Variants in LNX1 observed in about 807,000 individuals in gnomAD.
LNX1 encodes ligand of numb-protein X 1.
Under a neutral mutation model 68.4 loss-of-function variants are expected in LNX1, and 54 were observed. That is an observed-to-expected ratio of 0.79 (90% CI 0.63 to 0.99). The LOEUF (loss-of-function observed/expected upper bound fraction) is 0.99, where lower values mean the gene tolerates loss of function less well. Ranked by LOEUF, LNX1 falls within the 50% of genes least tolerant of loss-of-function variation. LNX1 has a pLI of 0.00. For synonymous variants in LNX1, 336 were observed against 350.0 expected (o/e 0.96, Z 0.45); for missense variants, 906 against 926.4 (o/e 0.98, Z 0.29).
At chr4:53,612,978 T>C (rs1034498431) in intron 2 of LNX1, among the ~76,000 whole-genome samples, 1 of 151,756 alleles carries the variant, frequency 6.6e-6, no homozygotes, top group African/African-American at 2.4e-5. Flanking sequence ...CAGTGAAAAG[T>C]ATATGCTATG....
In LNX1 at chr4:53,459,327, G is replaced by A. The variant is rs1721294643; in HGVS notation, c.*1580C>T. Reference sequence around the variant, plus strand: ...TAATAGTAGACGTCGCCATGAAAGTGAAGAAGGAGATAGTCACAGGAGACA... The same window carrying A: ...TAATAGTAGACGTCGCCATGAAAGTAAAGAAGGAGATAGTCACAGGAGACA... On this transcript the variant is annotated 3_prime_UTR_variant, in exon 11 of 11. Coordinates refer to ENST00000263925, the MANE Select transcript of LNX1 (RefSeq NM_001126328.3). 6.4e-7 allele frequency: 1 copy of A among 1,556,380 alleles called. No individual in the cohort carries two copies. The highest frequency in any genetic ancestry group is 1.4e-5 in the African/African-American group (1 of 69,198).
chr4:53,493,063 G>A lies in LNX1; in HGVS notation c.1350+2960C>T, dbSNP rs184640375. On this transcript the variant is annotated intron_variant, in intron 6 of 10. Coordinates refer to ENST00000263925, the MANE Select transcript of LNX1 (RefSeq NM_001126328.3). Reference sequence around the variant, plus strand: ...TGGCTCACTGAAACCTCCGCCTCCCGAGTTCAAGCAGTTCTCCTACCTCAG... The same window carrying A: ...TGGCTCACTGAAACCTCCGCCTCCCAAGTTCAAGCAGTTCTCCTACCTCAG... Among the ~76,000 whole-genome samples, 25 of 152,160 alleles carry A rather than the reference G, an allele frequency of 1.6e-4. No homozygotes were observed. The East Asian group carries it at 4.5e-3, about 27-fold the overall frequency.
upstream of LNX1, among the ~76,000 whole-genome samples, chr4:53,592,546 G>T (rs186230206): frequency 2.7e-4 from 41 of 152,242 alleles, no homozygotes; most frequent in Admixed American, 2.5e-3. Context: ...AGGAAACTGT[G>T]GATTCCCCGT....
chr4:53,558,019 C>T (rs375314224), intron 2 of LNX1: 15 of 1,607,686 alleles, frequency 9.3e-6, no homozygotes, highest in Non-Finnish European at 1.2e-5. Flanking sequence ...GCTACAAGGG[C>T]CCAAACCAGC....
intron 4 of LNX1, among the ~76,000 whole-genome samples, chr4:53,506,852 T>G: frequency 4.6e-5 from 1 of 21,912 alleles, no homozygotes; most frequent in Non-Finnish European, 1.6e-4. Context: ...AGCAAAACTC[T>G]GTCTAAAAAA....
chr4:53,622,378 T>A (rs1427524064), upstream of LNX1, among the ~76,000 whole-genome samples: 1 of 152,210 alleles, frequency 6.6e-6, no homozygotes, highest in African/African-American at 2.4e-5. Flanking sequence ...CATTTTAATG[T>A]CCCGGTGTCG....
chr4:53,602,105 AGT>A (rs1440373558), intron 2 of LNX1, among the ~76,000 whole-genome samples: 56 of 152,182 alleles, frequency 3.7e-4, no homozygotes, highest in Non-Finnish European at 2.4e-4. Flanking sequence ...ATAGGGACAG[AGT>A]GAGAAATAGA....
intron 1 of LNX1, among the ~76,000 whole-genome samples, chr4:53,635,627 G>C (rs1734442166): frequency 6.6e-6 from 1 of 152,132 alleles, no homozygotes; most frequent in Admixed American, 6.6e-5. Context: ...GTAAGGGTAT[G>C]ATTTGATCAA....
intron 9 of LNX1, among the ~76,000 whole-genome samples, chr4:53,474,686 G>GA (rs2109398955): frequency 6.6e-6 from 1 of 152,256 alleles, no homozygotes; most frequent in South Asian, 2.1e-4. Flanking sequence ...CCAGGGTTCT[G>GA]AAAATCAGTG....
intron 9 of LNX1, among the ~76,000 whole-genome samples, chr4:53,465,408 C>CA (rs1722602429): frequency 6.6e-6 from 1 of 152,278 alleles, no homozygotes; most frequent in African/African-American, 2.4e-5. Context: ...TTTATGTAGT[C>CA]ACAATTTTTG....
chr4:53,463,251 G>GAACAT (rs1270100897), intron 9 of LNX1, among the ~76,000 whole-genome samples: 12 of 152,154 alleles, frequency 7.9e-5, no homozygotes, highest in African/African-American at 2.9e-4. Context: ...ATACTGGAGA[G>GAACAT]AACATAACTG....
chr4:53,575,611 A>G, intron 1 of LNX1: 1 of 1,301,584 alleles, frequency 7.7e-7, no homozygotes, highest in Non-Finnish European at 9.7e-7. Context: ...CCACCTTGGG[A>G]CCAGGCCCGC....
intron 4 of LNX1, among the ~76,000 whole-genome samples, chr4:53,504,947 A>C (rs1270847106): frequency 6.6e-6 from 1 of 152,212 alleles, no homozygotes; most frequent in East Asian, 1.9e-4. Context: ...AACAGATATA[A>C]TAATGAAAAA....
intron 2 of LNX1, among the ~76,000 whole-genome samples, chr4:53,554,788 G>T (rs1013664610): frequency 2.0e-5 from 3 of 151,492 alleles, no homozygotes. Flanking sequence ...GGAGGCGGAG[G>T]TTGCAGCTAG....
chr4:53,486,601 T>C (rs12507739), intron 6 of LNX1, among the ~76,000 whole-genome samples: 55,068 of 151,872 alleles, frequency 0.36, 10,418 homozygotes, highest in South Asian at 0.57. Context: ...GGGAGTGCCA[T>C]GAAAGAGAAA....
At chr4:53,461,659 G>T in intron 9 of LNX1, 66 bp from the exon 10 acceptor site, 2 of 1,264,368 alleles carry the variant, frequency 1.6e-6, no homozygotes, top group South Asian at 3.0e-5. Flanking sequence ...TACTTACTGT[G>T]ACTCATCCTC....
intron 2 of LNX1, among the ~76,000 whole-genome samples, chr4:53,602,681 G>A (rs1733065737): frequency 6.6e-6 from 1 of 152,220 alleles, no homozygotes; most frequent in Non-Finnish European, 1.5e-5. Context: ...CAGGACCCAA[G>A]TCAAGGGAAG....
intron 1 of LNX1, among the ~76,000 whole-genome samples, chr4:53,582,931 ATC>A (rs2109802101): frequency 6.6e-6 from 1 of 152,258 alleles, no homozygotes; most frequent in African/African-American, 2.4e-5. Context: ...TGGTGGCCTC[ATC>A]TCTCTTTCTA....
chr4:53,530,652 AAGT>A (rs1388130751), intron 2 of LNX1, among the ~76,000 whole-genome samples: 1 of 152,206 alleles, frequency 6.6e-6, no homozygotes, highest in African/African-American at 2.4e-5. Flanking sequence ...AGAGTAAAAA[AAGT>A]AGTATTATTT....
Sources: gnomAD v4.1 joint callset for allele counts (sites outside exome capture counted in the v4.1 genomes callset) on GRCh38, gnomAD v4.1.1 for gene constraint, MANE v1.5 for transcripts, NCBI Gene and HGNC (gene_info 2026-07-23, HGNC 2026-07-21) for gene names.